ST6GALNAC3: variants seen among roughly 807,000 people sequenced by gnomAD.
ST6GALNAC3 encodes ST6 N-acetylgalactosaminide alpha-2,6-sialyltransferase 3, also known as alpha-N-acetylgalactosaminide alpha-2,6-sialyltransferase 3.
ST6GALNAC3 carries 25 observed loss-of-function variants against 32.7 expected under a neutral mutation model. That is an observed-to-expected ratio of 0.76 (90% confidence interval 0.56 to 1.07). ST6GALNAC3 has a LOEUF of 1.07. Ranked by LOEUF, ST6GALNAC3 falls within the 50% of genes least tolerant of loss-of-function variation. The pLI is 0.00. For synonymous variants in ST6GALNAC3, 129 were observed against 133.1 expected, an observed-to-expected ratio of 0.97 and a Z score of 0.21; for missense variants, 355 against 382.4, an observed-to-expected ratio of 0.93 and a Z score of 0.60.
intron 3 of ST6GALNAC3, among the ~76,000 whole-genome samples, chr1:76,437,722 C>T (rs1045527417): frequency 4.0e-5 from 6 of 151,778 alleles, no homozygotes; most frequent in African/African-American, 1.2e-4. Context: ...GGACTACAGG[C>T]ACGCACCACT....
intron 3 of ST6GALNAC3, among the ~76,000 whole-genome samples, chr1:76,623,859 G>C (rs975980088): frequency 2.0e-5 from 3 of 151,950 alleles, no homozygotes; most frequent in Admixed American, 2.0e-4. Context: ...TCTGGAGCCA[G>C]TGCTATCAGG....
intron 1 of ST6GALNAC3, among the ~76,000 whole-genome samples, chr1:76,116,992 C>T (rs1427049022): frequency 6.6e-6 from 1 of 152,136 alleles, no homozygotes; most frequent in East Asian, 1.9e-4. Flanking sequence ...TTCCTGGGCT[C>T]TCCACATGCT....
intron 3 of ST6GALNAC3, among the ~76,000 whole-genome samples, chr1:76,597,978 A>G (rs556128482): frequency 6.6e-6 from 1 of 152,278 alleles, no homozygotes; most frequent in Admixed American, 6.5e-5. Context: ...CAAAAATACT[A>G]TAGACTGGGT....
intron 1 of ST6GALNAC3, among the ~76,000 whole-genome samples, chr1:76,298,167 A>G (rs919267771): frequency 6.6e-6 from 1 of 152,016 alleles, no homozygotes; most frequent in Non-Finnish European, 1.5e-5. Context: ...ATCTTGCCAT[A>G]TAGACAACTC....
intron 3 of ST6GALNAC3, among the ~76,000 whole-genome samples, chr1:76,414,086 C>T (rs2101321026): frequency 6.6e-6 from 1 of 152,076 alleles, no homozygotes; most frequent in Non-Finnish European, 1.5e-5. Context: ...GAGACAACAC[C>T]ATCACATATG....
intron 3 of ST6GALNAC3, among the ~76,000 whole-genome samples, chr1:76,579,853 A>G (rs1161991818): frequency 6.6e-6 from 1 of 152,074 alleles, no homozygotes; most frequent in East Asian, 1.9e-4. Flanking sequence ...TTTCTACTTA[A>G]TAAAAAGCAC....
At chr1:76,605,303 A>G (rs1015148539) in intron 3 of ST6GALNAC3, among the ~76,000 whole-genome samples, 1 of 152,108 alleles carries the variant, frequency 6.6e-6, no homozygotes, top group Admixed American at 6.5e-5. Context: ...AGTCTTGACA[A>G]TTTCTCTTTG....
intron 3 of ST6GALNAC3, among the ~76,000 whole-genome samples, chr1:76,520,101 T>C (rs1662419683): frequency 6.6e-6 from 1 of 152,170 alleles, no homozygotes; most frequent in Non-Finnish European, 1.5e-5. Context: ...TTTTGCTTGT[T>C]GAGTCAGTGA....
chr1:76,136,942 A>G (rs1557645967), intron 1 of ST6GALNAC3, among the ~76,000 whole-genome samples: 1 of 152,228 alleles, frequency 6.6e-6, no homozygotes, highest in Non-Finnish European at 1.5e-5. Flanking sequence ...AGGTGCTTGA[A>G]AAACATCTCA....
At chr1:76,224,170 T>G (rs947169523) in intron 1 of ST6GALNAC3, among the ~76,000 whole-genome samples, 1 of 152,188 alleles carries the variant, frequency 6.6e-6, no homozygotes, top group African/African-American at 2.4e-5. Flanking sequence ...TCCTTAGCTT[T>G]GCCTGTTGAA....
intron 2 of ST6GALNAC3, among the ~76,000 whole-genome samples, chr1:76,388,377 C>T (rs1246585963): frequency 1.3e-5 from 2 of 152,164 alleles, no homozygotes; most frequent in Non-Finnish European, 2.9e-5. Flanking sequence ...GTGTGTGGTT[C>T]TCACATATGG....
At chr1:76,427,714 T>A (rs1176182451) in intron 3 of ST6GALNAC3, among the ~76,000 whole-genome samples, 2 of 149,976 alleles carry the variant, frequency 1.3e-5, no homozygotes, top group Non-Finnish European at 2.9e-5. Flanking sequence ...ACAAAATTTT[T>A]AAGTGCACAT....
At chr1:76,603,560 TG>T (rs1426321728) in intron 3 of ST6GALNAC3, among the ~76,000 whole-genome samples, 5 of 152,126 alleles carry the variant, frequency 3.3e-5, no homozygotes, top group Non-Finnish European at 7.4e-5. Flanking sequence ...CACAGTAAAA[TG>T]ACGTTGAAAA....
rs1476564561 is a variant in ST6GALNAC3, at chr1:76,628,831, A to C, written c.*25A>C. 6.2e-7 allele frequency: 1 copy of C among 1,607,806 alleles called. No individual in the cohort carries two copies. The highest frequency in any genetic ancestry group is 1.7e-5 in the Admixed American group (1 of 58,818). On this transcript the variant is annotated 3_prime_UTR_variant, in exon 5 of 5. Transcript: ENST00000328299. ...ATAATGGTTTTCCTGATCTTGCCGC[A>C]TCACTTAATGTGATCCCCATACTGC...
At chr1:76,272,719 G>A (rs943110224) in intron 1 of ST6GALNAC3, among the ~76,000 whole-genome samples, 5 of 152,108 alleles carry the variant, frequency 3.3e-5, no homozygotes, top group Non-Finnish European at 5.9e-5. Context: ...GTGAGCCCTT[G>A]GCTGTCCCAG....
intron 3 of ST6GALNAC3, among the ~76,000 whole-genome samples, chr1:76,581,416 T>G (rs1264578236): frequency 6.6e-6 from 1 of 152,170 alleles, no homozygotes; most frequent in African/African-American, 2.4e-5. Context: ...AAATTATCTA[T>G]TCACCAGACA....
chr1:76,096,695 G>T (rs887227931), intron 1 of ST6GALNAC3, among the ~76,000 whole-genome samples: 1 of 151,830 alleles, frequency 6.6e-6, no homozygotes, highest in African/African-American at 2.4e-5. Flanking sequence ...GATTGCTGCC[G>T]TTAACAAGGT....
Position 76,456,343 on chromosome 1 carries a change from TTTC to T in ST6GALNAC3, c.623+43929_623+43931del, listed in dbSNP as rs558556496. Among the ~76,000 whole-genome samples, 7 of 152,286 alleles carry T rather than the reference TTTC, an allele frequency of 4.6e-5. No individual in the cohort carries two copies. The East Asian group carries it at 1.4e-3, about 29-fold the overall frequency. On this transcript the variant is annotated intron_variant, in intron 3 of 4. Coordinates refer to ENST00000328299, the MANE Select transcript of ST6GALNAC3 (RefSeq NM_152996.4). ...TCTTTTTTCGTTTTTCTTTTCTTTCTTTCTTATTTATTTATTTTTTTGAGTCGG... is the reference window on the plus strand; with the variant it reads ...TCTTTTTTCGTTTTTCTTTTCTTTCTTTATTTATTTATTTTTTTGAGTCGG...
At chr1:76,508,279 G>C (rs1296382405) in intron 3 of ST6GALNAC3, among the ~76,000 whole-genome samples, 1 of 152,136 alleles carries the variant, frequency 6.6e-6, no homozygotes, top group African/African-American at 2.4e-5. Context: ...TGCTGCTGCT[G>C]ATCTGACAGG....
Sources: gnomAD v4.1 joint callset for allele counts (sites outside exome capture counted in the v4.1 genomes callset) on GRCh38, gnomAD v4.1.1 for gene constraint, MANE v1.5 for transcripts, NCBI Gene and HGNC (gene_info 2026-07-23, HGNC 2026-07-21) for gene names.